The following TANC1 variants were observed in gnomAD, a reference collection of about 807,000 sequenced individuals.
TANC1 encodes tetratricopeptide repeat, ankyrin repeat and coiled-coil containing 1.
Under a neutral mutation model 149.7 loss-of-function variants are expected in TANC1, and 77 were observed. That is an observed-to-expected ratio of 0.51 (90% confidence interval 0.43 to 0.62). TANC1 has a LOEUF of 0.62. Ranked by LOEUF, TANC1 falls within the 20% of genes least tolerant of loss-of-function variation. TANC1 has a pLI of 0.00. For synonymous variants in TANC1, 854 were observed against 925.0 expected, an observed-to-expected ratio of 0.92 and a Z score of 1.39; for missense variants, 1,985 against 2,321.8, an observed-to-expected ratio of 0.85 and a Z score of 2.98.
rs762089249 is a variant in TANC1, at chr2:159,173,222, TA to T, written c.1503+953del. Among the ~76,000 whole-genome samples, 195 of 152,352 alleles carry T rather than the reference TA, an allele frequency of 1.3e-3. 1 individual carries two copies. The highest frequency in any genetic ancestry group is 2.2e-3 in the Non-Finnish European group (151 of 68,030). ...ACTCACACATAATCACCCACATAACTAAAGCATTTTAGAACTATGTTTATTC... is the reference window on the plus strand; with the variant it reads ...ACTCACACATAATCACCCACATAACTAAGCATTTTAGAACTATGTTTATTC... On this transcript the variant is annotated intron_variant, in intron 11 of 26. Coordinates refer to ENST00000263635, the MANE Select transcript of TANC1 (RefSeq NM_033394.3).
chr2:158,978,775 A>T (rs770759864), intron 1 of TANC1, among the ~76,000 whole-genome samples: 4 of 152,202 alleles, frequency 2.6e-5, no homozygotes, highest in Non-Finnish European at 5.9e-5. Flanking sequence ...AGAGTTCACA[A>T]GTTGTAGGCT....
intron 11 of TANC1, among the ~76,000 whole-genome samples, chr2:159,174,377 T>G (rs1323094285): frequency 6.6e-6 from 1 of 152,086 alleles, no homozygotes; most frequent in East Asian, 1.9e-4. Context: ...CGGGTTTCAT[T>G]CTTCAGACAG....
At chr2:159,054,594 CA>C (rs927685021) in intron 2 of TANC1, among the ~76,000 whole-genome samples, 2 of 152,194 alleles carry the variant, frequency 1.3e-5, no homozygotes, top group African/African-American at 4.8e-5. Context: ...AGCTGCCTTT[CA>C]CAGGCATCTT....
intron 24 of TANC1, chr2:159,226,855 C>CT (rs1156449359): frequency 6.6e-6 from 1 of 152,202 alleles, no homozygotes; most frequent in Non-Finnish European, 1.5e-5. Flanking sequence ...CCCAATAAAA[C>CT]TTTATTTGTA....
chr2:159,190,962 T>G (rs922841802), intron 16 of TANC1, among the ~76,000 whole-genome samples: 2 of 152,360 alleles, frequency 1.3e-5, no homozygotes, highest in African/African-American at 4.8e-5. Context: ...AGAGCAGGCT[T>G]GGTGGGGATT....
intron 1 of TANC1, among the ~76,000 whole-genome samples, chr2:158,995,521 C>T (rs1250946991): frequency 1.3e-5 from 2 of 152,164 alleles, no homozygotes; most frequent in Non-Finnish European, 2.9e-5. Flanking sequence ...GCACATTACC[C>T]GAGGGCGGGA....
chr2:159,150,621 A>G, intron 7 of TANC1, 65 bp downstream of exon 7: 2 of 1,304,104 alleles, frequency 1.5e-6, no homozygotes, highest in East Asian at 2.3e-5. Flanking sequence ...TTCACCAGGC[A>G]CTTCCTCAGA....
intron 4 of TANC1, among the ~76,000 whole-genome samples, chr2:159,100,877 TA>T (rs370892035): frequency 4.5e-4 from 68 of 150,398 alleles, no homozygotes; most frequent in Non-Finnish European, 6.4e-4. Flanking sequence ...TTTAATAATT[TA>T]AAAAAAAAAC....
chr2:159,016,960 T>C (rs1351295355), intron 2 of TANC1, among the ~76,000 whole-genome samples: 4 of 152,190 alleles, frequency 2.6e-5, no homozygotes, highest in Non-Finnish European at 5.9e-5. Context: ...TGAAATATTT[T>C]TCTTAGATGG....
chr2:159,022,701 G>C lies in TANC1; in HGVS notation c.-16+21512G>C, dbSNP rs2038924353. On this transcript the variant is annotated intron_variant, in intron 2 of 26. Transcript: ENST00000263635. ...TGCAGTGAGCTGAGATCACACCACT[G>C]CACTCCAGCCTGGGCAATAGAGCAA... 1.3e-5 allele frequency among the ~76,000 whole-genome samples: 2 copies of C among 152,148 alleles called. 1 individual carries two copies. The highest frequency in any genetic ancestry group is 4.1e-4 in the South Asian group (2 of 4,830).
At chr2:159,150,098 A>G (rs1475415999) in intron 6 of TANC1, 2 of 325,646 alleles carry the variant, frequency 6.1e-6, no homozygotes, top group Non-Finnish European at 1.1e-5. Context: ...TCACTAAATT[A>G]TTGCTAAGAC....
chr2:159,043,633 T>A (rs558279864), intron 2 of TANC1, among the ~76,000 whole-genome samples: 1 of 152,334 alleles, frequency 6.6e-6, no homozygotes, highest in Admixed American at 6.5e-5. Flanking sequence ...GATCCCTTTT[T>A]TATGGTGTCT....
intron 19 of TANC1, among the ~76,000 whole-genome samples, chr2:159,211,641 G>C (rs900900196): frequency 3.3e-5 from 5 of 152,206 alleles, no homozygotes; most frequent in Admixed American, 6.5e-5. Flanking sequence ...TCTTGTGTTC[G>C]TAAGTCCCTG....
rs1366961177 is a variant in TANC1, at chr2:158,987,006, T to G, written c.-125-14074T>G. 2.0e-5 allele frequency among the ~76,000 whole-genome samples: 3 copies of G among 151,466 alleles called. No homozygotes were observed. In the East Asian group the frequency reaches 5.8e-4, roughly 29 times the overall value. On this transcript the variant is annotated intron_variant, in intron 1 of 26. Transcript: ENST00000263635. ...AGTGAGGAGTGATAGCCTGAGGTTC[T>G]TGGTTTGCCAACCTGGGGAAACCCT...
At chr2:159,165,720 A>G (rs768297123) in intron 8 of TANC1, among the ~76,000 whole-genome samples, 2 of 152,246 alleles carry the variant, frequency 1.3e-5, no homozygotes, top group Non-Finnish European at 2.9e-5. Context: ...GTATACAGAA[A>G]TCTCTTAGAA....
intron 2 of TANC1, among the ~76,000 whole-genome samples, chr2:159,027,790 TA>T (rs1236736243): frequency 1.3e-5 from 2 of 152,130 alleles, no homozygotes; most frequent in African/African-American, 4.8e-5. Flanking sequence ...GCATAATTTA[TA>T]AAAAAGGGAA....
rs760037919 is a variant in TANC1 at position 159,219,977 on chromosome 2, AGTGTGTGTGTGTGTGTGTGTGTGT to A, written c.3678+131_3678+154del. On this transcript the variant is annotated intron_variant, in intron 22 of 26. Coordinates refer to ENST00000263635, the MANE Select transcript of TANC1 (RefSeq NM_033394.3). The stretch of plus-strand genomic sequence containing the variant: ...AGGTTGTGTCTCAGTGTCATCAGAG[AGTGTGTGTGTGTGTGTGTGTGTGT>A]GTGTGTGTGTGTGTGTGTGTCTTGT... 2.0e-3 allele frequency: 1,107 copies of A among 560,692 alleles called. 5 individuals carry two copies. The African/African-American group carries it at 0.021, about 11-fold the overall frequency. The allele number at this position is 560,692 out of a possible 1,614,324, so 34.7% of individuals were successfully genotyped here. A position where few individuals can be genotyped will look rare whatever the true frequency, so the allele number is the denominator to read the frequency against.
intron 2 of TANC1, among the ~76,000 whole-genome samples, chr2:159,065,289 A>G (rs2149689643): frequency 6.6e-6 from 1 of 152,196 alleles, no homozygotes; most frequent in East Asian, 1.9e-4. Context: ...CCCCACCCCA[A>G]AGTTATAACT....
chr2:159,086,216 A>ATTT (rs5835733), intron 3 of TANC1, among the ~76,000 whole-genome samples: 5 of 148,136 alleles, frequency 3.4e-5, no homozygotes, highest in African/African-American at 5.0e-5. Flanking sequence ...GTGTATTTGG[A>ATTT]TTTTTTTTTT....
Sources: allele counts gnomAD v4.1 joint callset (sites outside exome capture counted in the v4.1 genomes callset), GRCh38; gene constraint gnomAD v4.1.1; transcripts MANE v1.5; gene names NCBI Gene and HGNC (gene_info 2026-07-23, HGNC 2026-07-21).